The following STT3B variants were observed in gnomAD, a reference collection of about 807,000 sequenced individuals.
The protein encoded by STT3B is dolichyl-diphosphooligosaccharide--protein glycosyltransferase subunit STT3B.
Under a neutral mutation model 96.8 loss-of-function variants are expected in STT3B, and 29 were observed. The observed-to-expected ratio is 0.30, with a 90% CI of 0.22 to 0.41. The LOEUF is 0.41. Among genes scored for constraint, STT3B ranks in the 10% least tolerant of loss-of-function variants. STT3B has a pLI of 1.00. For missense variants in STT3B, 640 were observed against 1,022.3 expected, an observed-to-expected ratio of 0.63 and a Z score of 5.10; for synonymous variants, 367 against 360.0, an observed-to-expected ratio of 1.02 and a Z score of -0.22.
In STT3B at chr3:31,533,327, GC is replaced by G; in HGVS notation, c.314+19del. On this transcript the variant is annotated intron_variant, in intron 1 of 15. Coordinates refer to ENST00000295770, the MANE Select transcript of STT3B (RefSeq NM_178862.3). ...TTCGACCCGTGGTAAGTGCCTCGCC[GC>G]CCCTCCCCCGCCCGTGGCCCGCGGG... 6.6e-7 allele frequency: 1 copy of G among 1,507,524 alleles called. No individual in the cohort carries two copies. The highest frequency in any genetic ancestry group is 2.1e-5 in the Admixed American group (1 of 48,342). The allele number at this position is 1,507,524 out of a possible 1,614,324, so 93.4% of individuals were successfully genotyped here. A position where few individuals can be genotyped will look rare whatever the true frequency, so the allele number is the denominator to read the frequency against.
At chr3:31,628,933 T>C (rs1699594001) in intron 13 of STT3B, among the ~76,000 whole-genome samples, 1 of 152,130 alleles carries the variant, frequency 6.6e-6, no homozygotes, top group African/African-American at 2.4e-5. Flanking sequence ...GGTGAAACCC[T>C]GTCTCTACAA....
chr3:31,624,040 A>G (rs1320434186), intron 11 of STT3B, among the ~76,000 whole-genome samples, 179 bp downstream of exon 11: 1 of 152,126 alleles, frequency 6.6e-6, no homozygotes, highest in Non-Finnish European at 1.5e-5. Context: ...GGTACATTCT[A>G]TTTATGTCTT....
At chr3:31,585,843 A>T (rs1048012673) in intron 3 of STT3B, among the ~76,000 whole-genome samples, 1 of 152,088 alleles carries the variant, frequency 6.6e-6, no homozygotes, top group Non-Finnish European at 1.5e-5. Context: ...GCTGAATAGT[A>T]CTCCATTATA....
At chr3:31,581,492 G>A (rs1341436440) in intron 3 of STT3B, among the ~76,000 whole-genome samples, 2 of 152,118 alleles carry the variant, frequency 1.3e-5, no homozygotes, top group Non-Finnish European at 2.9e-5. Context: ...CACCCACAGT[G>A]AACTACCATT....
intron 1 of STT3B, among the ~76,000 whole-genome samples, chr3:31,550,683 T>G (rs980164183): frequency 1.3e-5 from 2 of 152,236 alleles, no homozygotes; most frequent in African/African-American, 4.8e-5. Context: ...CTCATGAGTT[T>G]CCATATTTTA....
chr3:31,565,821 A>G (rs1016098451), intron 1 of STT3B, among the ~76,000 whole-genome samples: 2 of 152,162 alleles, frequency 1.3e-5, no homozygotes, highest in Non-Finnish European at 2.9e-5. Context: ...GAAATCTGAA[A>G]TGGTACAGTC....
chr3:31,597,098 C>T (rs932023923), intron 4 of STT3B, among the ~76,000 whole-genome samples: 5 of 152,048 alleles, frequency 3.3e-5, no homozygotes, highest in African/African-American at 1.2e-4. Context: ...TCAAGTGTAC[C>T]ACTTCAAAAT....
chr3:31,627,861 G>A (rs1279740948), intron 13 of STT3B, among the ~76,000 whole-genome samples: 1 of 152,020 alleles, frequency 6.6e-6, no homozygotes, highest in East Asian at 1.9e-4. Flanking sequence ...AAATTTCTGT[G>A]CATCTTAAAT....
At chr3:31,543,212 T>G (rs1362153252) in intron 1 of STT3B, among the ~76,000 whole-genome samples, 1 of 152,224 alleles carries the variant, frequency 6.6e-6, no homozygotes. Flanking sequence ...GGACTGTTTA[T>G]TTGGCTAACT....
intron 1 of STT3B, among the ~76,000 whole-genome samples, chr3:31,552,077 C>G (rs923753751): frequency 8.5e-5 from 13 of 152,178 alleles, no homozygotes; most frequent in Middle Eastern, 3.2e-3. Flanking sequence ...TTGTGCGACC[C>G]TAAACAGAAG....
At chr3:31,544,551 T>C (rs1164254954) in intron 1 of STT3B, among the ~76,000 whole-genome samples, 2 of 152,232 alleles carry the variant, frequency 1.3e-5, no homozygotes, top group African/African-American at 4.8e-5. Context: ...GCTGTAATGA[T>C]CTCACAAGAT....
chr3:31,622,328 G>C lies in STT3B; in HGVS notation c.1539+20G>C. On this transcript the variant is annotated intron_variant, in intron 10 of 15. Transcript: ENST00000295770. ...GATAAGGTGGGGAATCTAAAGTAAG[G>C]CCTTTAAATTGTCTATGTCCTTTCT... 2 of 1,592,080 alleles carry C rather than the reference G, an allele frequency of 1.3e-6. No homozygotes were observed. Among genetic ancestry groups the C allele is most frequent in the Non-Finnish European group, 1.7e-6 (2 of 1,160,676 alleles).
intron 5 of STT3B, among the ~76,000 whole-genome samples, chr3:31,601,725 AAC>A (rs548391107): frequency 2.5e-3 from 386 of 152,322 alleles, no homozygotes; most frequent in Non-Finnish European, 4.3e-3. Flanking sequence ...ATACACCAAA[AAC>A]CATTACATGA....
chr3:31,631,799 G>GA (rs1699669549), intron 14 of STT3B, among the ~76,000 whole-genome samples: 2 of 151,236 alleles, frequency 1.3e-5, no homozygotes, highest in Admixed American at 6.6e-5. Context: ...AAAAAAAATG[G>GA]AAAAAAAAGT....
chr3:31,565,299 A>G (rs768111740), intron 1 of STT3B, among the ~76,000 whole-genome samples: 2 of 152,236 alleles, frequency 1.3e-5, no homozygotes, highest in Non-Finnish European at 2.9e-5. Flanking sequence ...TATTCAAATG[A>G]TAGCAGGCAG....
chr3:31,610,668 C>T (rs1699162216), intron 5 of STT3B, among the ~76,000 whole-genome samples: 2 of 152,150 alleles, frequency 1.3e-5, no homozygotes, highest in Admixed American at 1.3e-4. Context: ...TCTCGTCCCA[C>T]CCTTGGATAT....
intron 3 of STT3B, among the ~76,000 whole-genome samples, chr3:31,587,052 T>G (rs1303103095): frequency 1.3e-5 from 2 of 152,146 alleles, no homozygotes; most frequent in Admixed American, 6.6e-5. Context: ...TTAATTTTTC[T>G]GGGCGATCAG....
intron 1 of STT3B, among the ~76,000 whole-genome samples, chr3:31,567,834 ATTTC>A (rs1379139960): frequency 6.6e-6 from 1 of 152,134 alleles, no homozygotes; most frequent in Non-Finnish European, 1.5e-5. Flanking sequence ...CGCATTTATC[ATTTC>A]TTTGTTTTAG....
intron 6 of STT3B, among the ~76,000 whole-genome samples, chr3:31,615,507 G>A (rs562130618): frequency 6.6e-6 from 1 of 151,974 alleles, no homozygotes; most frequent in South Asian, 2.1e-4. Context: ...CAGATTCTCA[G>A]TGGAGTCTGA....
Sources: gnomAD v4.1 joint callset for allele counts (sites outside exome capture counted in the v4.1 genomes callset) on GRCh38, gnomAD v4.1.1 for gene constraint, MANE v1.5 for transcripts, NCBI Gene and HGNC (gene_info 2026-07-23, HGNC 2026-07-21) for gene names.